The following CACNA2D3 variants were observed in gnomAD, a reference collection of about 807,000 sequenced individuals.
CACNA2D3 encodes the protein calcium voltage-gated channel auxiliary subunit alpha2delta 3, also known as voltage-dependent calcium channel subunit alpha-2/delta-3.
Under a neutral mutation model 160.6 loss-of-function variants are expected in CACNA2D3, and 60 were observed. The observed-to-expected ratio is 0.37, with a 90% CI of 0.30 to 0.46. CACNA2D3 has a LOEUF of 0.46. Ranked by LOEUF, CACNA2D3 falls within the 20% of genes least tolerant of loss-of-function variation. The probability of loss-of-function intolerance (pLI) is 1.00; values close to 1 mark genes in which losing one functional copy is unlikely to be tolerated. For synonymous variants in CACNA2D3, 558 were observed against 492.9 expected (o/e 1.13, Z -1.75); for missense variants, 1,205 against 1,365.0 (o/e 0.88, Z 1.85).
At chr3:54,730,561 G>A (rs1428017974) in intron 11 of CACNA2D3, among the ~76,000 whole-genome samples, 1 of 152,090 alleles carries the variant, frequency 6.6e-6, no homozygotes, top group Admixed American at 6.5e-5. Flanking sequence ...GGAGTGCAGT[G>A]GCGTGATCTT....
At chr3:55,072,926 CA>C (rs1248040897) in intron 35 of CACNA2D3, among the ~76,000 whole-genome samples, 1 of 152,182 alleles carries the variant, frequency 6.6e-6, no homozygotes, top group Non-Finnish European at 1.5e-5. Flanking sequence ...TCATTCAAAA[CA>C]CTGTTCCTGT....
chr3:54,736,671 C>T (rs1701537956), intron 11 of CACNA2D3, among the ~76,000 whole-genome samples: 1 of 152,142 alleles, frequency 6.6e-6, no homozygotes, highest in African/African-American at 2.4e-5. Flanking sequence ...ATCTTGTTCT[C>T]TGTCTTTTGT....
intron 2 of CACNA2D3, among the ~76,000 whole-genome samples, chr3:54,169,045 A>AT (rs1700508647): frequency 6.6e-6 from 1 of 152,226 alleles, no homozygotes; most frequent in African/African-American, 2.4e-5. Flanking sequence ...AATATGAAAC[A>AT]TGCCATCACA....
chr3:54,738,645 G>A (rs978567784), intron 11 of CACNA2D3, among the ~76,000 whole-genome samples: 26 of 152,262 alleles, frequency 1.7e-4, no homozygotes, highest in African/African-American at 6.3e-4. Context: ...TTGCTCCCTT[G>A]CAGAGCACCC....
At chr3:54,866,377 G>A (rs1019844857) in intron 17 of CACNA2D3, among the ~76,000 whole-genome samples, 1 of 152,128 alleles carries the variant, frequency 6.6e-6, no homozygotes, top group African/African-American at 2.4e-5. Context: ...TTCAGAGGAA[G>A]TGGTAAAGGT....
At chr3:54,244,562 G>C (rs1327693540) in intron 2 of CACNA2D3, among the ~76,000 whole-genome samples, 1 of 152,144 alleles carries the variant, frequency 6.6e-6, no homozygotes, top group Non-Finnish European at 1.5e-5. Context: ...CTGGCTCATA[G>C]GTAAGGGCTC....
chr3:54,994,402 A>T (rs1401826736), intron 31 of CACNA2D3, among the ~76,000 whole-genome samples: 1 of 152,126 alleles, frequency 6.6e-6, no homozygotes, highest in Non-Finnish European at 1.5e-5. Context: ...TGCTGACCTG[A>T]CCATGTCCTC....
intron 28 of CACNA2D3, 50 bp downstream of exon 28, chr3:54,968,561 G>C: frequency 1.4e-6 from 2 of 1,397,706 alleles, no homozygotes; most frequent in Non-Finnish European, 1.0e-6. Context: ...TTATTATACA[G>C]GTGTTCCCAT....
intron 2 of CACNA2D3, among the ~76,000 whole-genome samples, chr3:54,228,463 A>G (rs546835891): frequency 2.6e-5 from 4 of 152,358 alleles, no homozygotes; most frequent in African/African-American, 7.2e-5. Flanking sequence ...TGCTAAAAAG[A>G]TTAAACAAGT....
intron 4 of CACNA2D3, among the ~76,000 whole-genome samples, chr3:54,494,041 T>C (rs1032241965): frequency 6.6e-6 from 1 of 152,260 alleles, no homozygotes; most frequent in Non-Finnish European, 1.5e-5. Context: ...ACTTTGTCTC[T>C]GGTATTTTAT....
chr3:54,218,270 G>A (rs1174483343), intron 2 of CACNA2D3, among the ~76,000 whole-genome samples: 1 of 152,212 alleles, frequency 6.6e-6, no homozygotes, highest in African/African-American at 2.4e-5. Context: ...GATAAGGGTG[G>A]CGTGCAGGTG....
intron 2 of CACNA2D3, among the ~76,000 whole-genome samples, chr3:54,192,577 T>G (rs1701002847): frequency 6.6e-6 from 1 of 152,156 alleles, no homozygotes; most frequent in Non-Finnish European, 1.5e-5. Context: ...CAGATGACTC[T>G]TCTCTGAGTC....
chr3:55,049,300 G>A (rs1483962584), intron 35 of CACNA2D3, among the ~76,000 whole-genome samples: 24 of 146,528 alleles, frequency 1.6e-4, no homozygotes, highest in African/African-American at 2.9e-4. Context: ...CTGGTATGTC[G>A]TGTCTTTGTT....
intron 35 of CACNA2D3, among the ~76,000 whole-genome samples, chr3:55,065,542 C>T (rs532496031): frequency 3.9e-5 from 6 of 152,278 alleles, no homozygotes; most frequent in African/African-American, 1.4e-4. Context: ...GGTCATGCTC[C>T]TGTGGTCCCA....
At chr3:54,190,446 G>T (rs1210500493) in intron 2 of CACNA2D3, among the ~76,000 whole-genome samples, 3 of 152,238 alleles carry the variant, frequency 2.0e-5, no homozygotes, top group Non-Finnish European at 4.4e-5. Context: ...CTCTAGGTGA[G>T]TGGTGTCTCA....
intron 4 of CACNA2D3, among the ~76,000 whole-genome samples, chr3:54,488,748 A>G (rs1405916249): frequency 6.6e-6 from 1 of 152,198 alleles, no homozygotes; most frequent in Non-Finnish European, 1.5e-5. Context: ...GCACAGGAAG[A>G]AACAGCTATG....
chr3:54,252,049 G>A lies in CACNA2D3; in HGVS notation c.205-68393G>A, dbSNP rs562136687. 2.0e-5 allele frequency among the ~76,000 whole-genome samples: 3 copies of A among 146,702 alleles called. No homozygotes were observed. In the South Asian group the frequency reaches 6.4e-4, roughly 31 times the overall value. ...CTTAATTGAGCTCCCAAGATACACTGTGTAAAGTATCTGGATCCCAGTGGT... is the reference window on the plus strand; with the variant it reads ...CTTAATTGAGCTCCCAAGATACACTATGTAAAGTATCTGGATCCCAGTGGT... On this transcript the variant is annotated intron_variant, in intron 2 of 37. Transcript: ENST00000474759.
intron 23 of CACNA2D3, among the ~76,000 whole-genome samples, chr3:54,886,372 A>G (rs1221039086): frequency 6.6e-6 from 1 of 152,236 alleles, no homozygotes; most frequent in Non-Finnish European, 1.5e-5. Context: ...TCAGATGGAC[A>G]TCCTGTGAGC....
chr3:54,921,957 G>A (rs1700864865), intron 27 of CACNA2D3, among the ~76,000 whole-genome samples: 2 of 149,936 alleles, frequency 1.3e-5, no homozygotes, highest in Non-Finnish European at 3.0e-5. Context: ...CCCTTATTTT[G>A]CCTGTATTCA....
Sources: gnomAD v4.1 joint callset for allele counts (sites outside exome capture counted in the v4.1 genomes callset) on GRCh38, gnomAD v4.1.1 for gene constraint, MANE v1.5 for transcripts, NCBI Gene and HGNC (gene_info 2026-07-23, HGNC 2026-07-21) for gene names.